The following RAD51B variants were observed in gnomAD, a reference collection of about 807,000 sequenced individuals.
RAD51B encodes DNA repair protein RAD51 homolog 2.
A neutral mutation model predicts 42.2 loss-of-function variants in RAD51B; 38 were observed. The observed-to-expected ratio is 0.90, with a 90% CI of 0.70 to 1.18. The LOEUF (loss-of-function observed/expected upper bound fraction) is 1.18. Among genes scored for constraint, RAD51B ranks in the 50% most tolerant of loss-of-function variants. The probability of loss-of-function intolerance (pLI) is 0.00; values close to 1 mark genes in which losing one functional copy is unlikely to be tolerated. For missense variants in RAD51B, 373 were observed against 400.7 expected (o/e 0.93, Z 0.59); for synonymous variants, 154 against 145.2 (o/e 1.06, Z -0.43).
chr14:68,320,032 A>G (rs892974411), intron 8 of RAD51B, among the ~76,000 whole-genome samples: 2 of 152,198 alleles, frequency 1.3e-5, no homozygotes, highest in Non-Finnish European at 2.9e-5. Flanking sequence ...ATTCAAATCA[A>G]TCTGACTCCA....
chr14:68,038,154 T>A (rs2076162798), intron 7 of RAD51B, among the ~76,000 whole-genome samples: 1 of 152,238 alleles, frequency 6.6e-6, no homozygotes, highest in African/African-American at 2.4e-5. Flanking sequence ...TTTACTTCAG[T>A]TAGAGGGATT....
intron 7 of RAD51B, among the ~76,000 whole-genome samples, chr14:68,042,069 G>A (rs1223112975): frequency 3.3e-5 from 5 of 152,132 alleles, no homozygotes; most frequent in African/African-American, 9.7e-5. Context: ...ACTCCAGTGC[G>A]TCATCAGCAT....
chr14:68,358,289 GC>G (rs1484645770), intron 8 of RAD51B, among the ~76,000 whole-genome samples: 7 of 152,324 alleles, frequency 4.6e-5, no homozygotes, highest in African/African-American at 1.7e-4. Context: ...ACTTGTCAAC[GC>G]GCTTGCCACA....
At chr14:68,355,092 G>T (rs1183009421) in intron 8 of RAD51B, among the ~76,000 whole-genome samples, 1 of 152,186 alleles carries the variant, frequency 6.6e-6, no homozygotes, top group Non-Finnish European at 1.5e-5. Flanking sequence ...TCACTGGAGG[G>T]ATATAGGCAG....
At chr14:68,067,765 AC>A (rs2076677385) in intron 7 of RAD51B, among the ~76,000 whole-genome samples, 1 of 151,416 alleles carries the variant, frequency 6.6e-6, no homozygotes, top group African/African-American at 2.4e-5. Flanking sequence ...CCCCATCTTT[AC>A]AAAAAATACA....
chr14:68,482,327 A>G (rs1178316918), downstream of RAD51B, among the ~76,000 whole-genome samples: 1 of 152,094 alleles, frequency 6.6e-6, no homozygotes, highest in Non-Finnish European at 1.5e-5. Flanking sequence ...CAGGGTGAAC[A>G]TTTTGGATTA....
intron 5 of RAD51B, among the ~76,000 whole-genome samples, chr14:67,875,529 G>C (rs923435243): frequency 6.6e-6 from 1 of 152,146 alleles, no homozygotes; most frequent in Non-Finnish European, 1.5e-5. Context: ...TAGATACAAA[G>C]ATATTTGTCA....
rs554131852 is a variant in RAD51B at position 68,100,001 on chromosome 14, G to A, written c.757-191883G>A. On this transcript the variant is annotated intron_variant, in intron 7 of 10. Transcript: ENST00000471583. Reference sequence around the variant, plus strand: ...ACATTTTATGAGAGGAGTATGGGGTGAGAGGGAGTGTTTGGACAAGAGTTA... The same window carrying A: ...ACATTTTATGAGAGGAGTATGGGGTAAGAGGGAGTGTTTGGACAAGAGTTA... 3.5e-3 allele frequency among the ~76,000 whole-genome samples: 540 copies of A among 152,268 alleles called. 6 individuals are homozygous for A. The highest frequency in any genetic ancestry group is 0.012 in the African/African-American group (510 of 41,548).
rs79360013 is a variant in RAD51B, at chr14:68,399,264, T to G, written c.854-12160T>G. 8.6e-3 allele frequency among the ~76,000 whole-genome samples: 1,300 copies of G among 150,872 alleles called. 13 individuals carry two copies. Among genetic ancestry groups the G allele is most frequent in the Non-Finnish European group, 0.012 (789 of 67,682 alleles). ...TTTACCTGATTTTTTTTTGTGTTTT[T>G]TTTTTTTTTTGAGATGGAGTCTTAC... is the stretch of plus-strand genomic sequence containing the variant. On this transcript the variant is annotated intron_variant, in intron 8 of 10. Coordinates refer to ENST00000471583, the MANE Select transcript of RAD51B (RefSeq NM_133510.4).
At chr14:67,853,411 G>A (rs2041888713) in intron 4 of RAD51B, among the ~76,000 whole-genome samples, 2 of 152,164 alleles carry the variant, frequency 1.3e-5, no homozygotes, top group Admixed American at 1.3e-4. Context: ...TCATCTTGGT[G>A]TTGTAACTGA....
chr14:67,922,815 C>T (rs2044371150), intron 7 of RAD51B, among the ~76,000 whole-genome samples: 1 of 152,060 alleles, frequency 6.6e-6, no homozygotes, highest in South Asian at 2.1e-4. Context: ...CCTCAGCCTC[C>T]CAAGTAGCTG....
intron 7 of RAD51B, among the ~76,000 whole-genome samples, chr14:68,085,837 C>T (rs1416501578): frequency 6.6e-6 from 1 of 152,164 alleles, no homozygotes; most frequent in East Asian, 1.9e-4. Flanking sequence ...TGGGGAGTGG[C>T]TCGCTTCTTC....
intron 10 of RAD51B, among the ~76,000 whole-genome samples, chr14:68,624,338 A>G (rs1892022471): frequency 6.6e-6 from 1 of 152,168 alleles, no homozygotes; most frequent in African/African-American, 2.4e-5. Flanking sequence ...CCAGCATGAT[A>G]TCCTTTGTTA....
At chr14:68,551,948 C>T (rs1272233798) in intron 10 of RAD51B, among the ~76,000 whole-genome samples, 1 of 152,186 alleles carries the variant, frequency 6.6e-6, no homozygotes, top group East Asian at 1.9e-4. Flanking sequence ...TTCTATTACT[C>T]TCATGAAGAC....
intron 10 of RAD51B, among the ~76,000 whole-genome samples, chr14:68,508,574 C>T (rs1380416087): frequency 6.6e-6 from 1 of 152,186 alleles, no homozygotes; most frequent in Non-Finnish European, 1.5e-5. Flanking sequence ...GCTTCCAGAC[C>T]ACTGAGATTG....
intron 7 of RAD51B, among the ~76,000 whole-genome samples, chr14:67,975,024 G>C (rs2074965658): frequency 1.3e-5 from 2 of 151,956 alleles, no homozygotes; most frequent in Admixed American, 1.3e-4. Flanking sequence ...TGCTTTGCTG[G>C]CTTCACATCT....
At chr14:68,568,007 G>T (rs893589423) in intron 10 of RAD51B, among the ~76,000 whole-genome samples, 2 of 152,146 alleles carry the variant, frequency 1.3e-5, no homozygotes, top group African/African-American at 4.8e-5. Context: ...TAAGTCCTTG[G>T]TGATTGAATA....
At chr14:68,016,383 A>C (rs1449952886) in intron 7 of RAD51B, among the ~76,000 whole-genome samples, 1 of 152,178 alleles carries the variant, frequency 6.6e-6, no homozygotes, top group East Asian at 1.9e-4. Context: ...TGGAGTTTGG[A>C]AGGGTGTGCA....
At chr14:67,837,178 C>T (rs1004704503) in intron 4 of RAD51B, among the ~76,000 whole-genome samples, 2 of 152,024 alleles carry the variant, frequency 1.3e-5, no homozygotes, top group Non-Finnish European at 2.9e-5. Context: ...CACGCACACA[C>T]ACACACATCC....
Sources: allele counts gnomAD v4.1 joint callset (sites outside exome capture counted in the v4.1 genomes callset), GRCh38; gene constraint gnomAD v4.1.1; transcripts MANE v1.5; gene names NCBI Gene and HGNC (gene_info 2026-07-23, HGNC 2026-07-21).